Variants in ST6GAL2 observed in about 807,000 individuals in gnomAD.
The protein encoded by ST6GAL2 is ST6 beta-galactoside alpha-2,6-sialyltransferase 2, also known as beta-galactoside alpha-2,6-sialyltransferase 2.
Under a neutral mutation model 37.5 loss-of-function variants are expected in ST6GAL2, and 24 were observed. That is an observed-to-expected ratio of 0.64 (90% CI 0.46 to 0.90). The LOEUF is 0.90. Ranked by LOEUF, ST6GAL2 falls within the 40% of genes least tolerant of loss-of-function variation. The pLI is 0.00. For synonymous variants in ST6GAL2, 306 were observed against 295.1 expected, an observed-to-expected ratio of 1.04 and a Z score of -0.38; for missense variants, 715 against 712.7, an observed-to-expected ratio of 1.00 and a Z score of -0.04.
chr2:106,884,632 G>T (rs978741410), intron 1 of ST6GAL2, among the ~76,000 whole-genome samples: 1 of 152,086 alleles, frequency 6.6e-6, no homozygotes, highest in African/African-American at 2.4e-5. Context: ...ATCTATTGCG[G>T]CAAAAATTGG....
chr2:106,835,704 G>A (rs1368172680), intron 2 of ST6GAL2, among the ~76,000 whole-genome samples: 1 of 152,140 alleles, frequency 6.6e-6, no homozygotes, highest in Non-Finnish European at 1.5e-5. Flanking sequence ...GCAGAGTTGA[G>A]TTGTTGAGAC....
intron 1 of ST6GAL2, among the ~76,000 whole-genome samples, chr2:106,857,379 GA>G (rs1430754874): frequency 6.6e-6 from 1 of 152,136 alleles, no homozygotes. Flanking sequence ...AAGGTGGGAG[GA>G]TCATCTAAGG....
Position 106,834,040 on chromosome 2 carries a change from C to A in ST6GAL2, c.1041+9G>T, listed in dbSNP as rs767411310. On this transcript the variant is annotated intron_variant, in intron 3 of 5. Transcript: ENST00000409382. ...ACATACATCCATGAAAACACTCCAT[C>A]TGTCTTACCTGCGAATTAATGATGC... The A allele has an allele frequency of 3.1e-6, 5 of 1,598,992 alleles. No homozygotes were observed. The Admixed American group carries it at 8.3e-5, about 27-fold the overall frequency.
chr2:106,841,245 G>C (rs1289173978), intron 2 of ST6GAL2: 1 of 152,122 alleles, frequency 6.6e-6, no homozygotes. Flanking sequence ...ACCCTATTCC[G>C]AGAGAACTCT....
At chr2:106,869,238 A>T (rs1054681255) in intron 1 of ST6GAL2, among the ~76,000 whole-genome samples, 1 of 152,002 alleles carries the variant, frequency 6.6e-6, no homozygotes, top group Non-Finnish European at 1.5e-5. Context: ...TTTGGAGGGG[A>T]GGGGCACCTT....
At chr2:106,837,597 C>A (rs1459539264) in intron 2 of ST6GAL2, among the ~76,000 whole-genome samples, 1 of 152,154 alleles carries the variant, frequency 6.6e-6, no homozygotes, top group Non-Finnish European at 1.5e-5. Flanking sequence ...ACTGCAGGTG[C>A]TGGGAGGGAA....
rs76135504 is a variant in ST6GAL2, at chr2:106,880,424, G to A, written c.-58+5669C>T. 5.3e-3 allele frequency among the ~76,000 whole-genome samples: 814 copies of A among 152,282 alleles called. 10 individuals are homozygous for A. Among genetic ancestry groups the A allele is most frequent in the African/African-American group, 0.017 (719 of 41,560 alleles). ...TCATCAGCCTGGGGCCAGGTTCCCC[G>A]AAGGACCTGCCTGAGAAGACAATCT... On this transcript the variant is annotated intron_variant, in intron 1 of 5. Coordinates refer to ENST00000409382, the MANE Select transcript of ST6GAL2 (RefSeq NM_001142351.2).
chr2:106,824,632 AAAAC>A (rs1209402201), intron 5 of ST6GAL2, among the ~76,000 whole-genome samples: 9 of 152,328 alleles, frequency 5.9e-5, no homozygotes, highest in East Asian at 3.9e-4. Context: ...AGTCCGTCTC[AAAAC>A]AAACAAACAA....
intron 1 of ST6GAL2, among the ~76,000 whole-genome samples, chr2:106,860,831 T>C (rs1241371921): frequency 1.3e-5 from 2 of 152,210 alleles, no homozygotes; most frequent in African/African-American, 4.8e-5. Context: ...CTCAACCATA[T>C]ACAATGGATA....
In ST6GAL2 at chr2:106,828,587, A is replaced by C. The variant is rs1195047349; in HGVS notation, c.1318+1479T>G. On this transcript the variant is annotated intron_variant, in intron 5 of 5. Transcript: ENST00000409382. ...TTACAATACCAAAACCCACTCTAAA[A>C]TCTGCAAGCTTCAATTCAGGATACC... 2.0e-5 allele frequency among the ~76,000 whole-genome samples: 3 copies of C among 152,282 alleles called. No homozygotes were observed. In the East Asian group the frequency reaches 5.8e-4, roughly 29 times the overall value.
rs1448489220 is a variant in ST6GAL2, at chr2:106,832,463, T to C, written c.1143+102A>G. The C allele has an allele frequency of 1.1e-5, 7 of 662,290 alleles. No homozygotes were observed. In the East Asian group the frequency reaches 1.6e-4, roughly 15 times the overall value. The allele number at this position is 662,290 out of a possible 1,614,324, so 41.0% of individuals were successfully genotyped here. ...GCATTAAATTGATATTGATGGGTAC[T>C]TTCATTGTCTGTCAAAGCTTAATCC... On this transcript the variant is annotated intron_variant, in intron 4 of 5. Transcript: ENST00000409382.
chr2:106,856,734 T>A lies in ST6GAL2; in HGVS notation c.-57-12700A>T, dbSNP rs548613153. ...GGTGAAGCTAGGACAGGACCTGGTA[T>A]CTTTGAAGGCAGTCAAAATAAGGAC... On this transcript the variant is annotated intron_variant, in intron 1 of 5. Transcript: ENST00000409382. Among the ~76,000 whole-genome samples the A allele has an allele frequency of 1.4e-4, 22 of 152,322 alleles. No individual in the cohort carries two copies. In the East Asian group the frequency reaches 4.0e-3, roughly 28 times the overall value.
At chr2:106,841,793 AGGGAAACGTAT>A (rs1032710526) in intron 2 of ST6GAL2, among the ~76,000 whole-genome samples, 21 of 152,182 alleles carry the variant, frequency 1.4e-4, no homozygotes, top group African/African-American at 4.8e-4. Context: ...ACTCTGCAGG[AGGGAAACGTAT>A]TTGAACCCTG....
rs1573257977 is a variant in ST6GAL2, at chr2:106,843,245, C to G, written c.733G>C (p.Gly245Arg). Residue 245 changes from glycine (G) to arginine (R), a missense_variant, in exon 2 of 6, where the codon GGG becomes CGG. Gly to Arg is a moderately radical substitution (Grantham distance 125). Coordinates refer to ENST00000409382, the MANE Select transcript of ST6GAL2 (RefSeq NM_001142351.2). ...GVRFRGKREA[G>R]LSRAQLLCQL... is the part of the protein sequence containing the mutation. ...CACAGCAGCTGTGCCCTGCTCAGCC[C>G]GGCCTCCCGCTTCCCGCGGAAGCGC... The G allele has an allele frequency of 5.0e-6, 8 of 1,587,156 alleles. No individual in the cohort carries two copies. The East Asian group carries it at 1.8e-4, about 36-fold the overall frequency.
intron 2 of ST6GAL2, among the ~76,000 whole-genome samples, chr2:106,842,821 C>T (rs1676947528): frequency 6.6e-6 from 1 of 152,192 alleles, no homozygotes; most frequent in Admixed American, 6.5e-5. Context: ...CTCTAAGAGT[C>T]TCCCGAAGAG....
Position 106,879,711 on chromosome 2 carries a change from A to G in ST6GAL2, c.-58+6382T>C, listed in dbSNP as rs981047275. 2.7e-5 allele frequency among the ~76,000 whole-genome samples: 4 copies of G among 148,148 alleles called. No homozygotes were observed. The East Asian group carries it at 5.8e-4, about 22-fold the overall frequency. On this transcript the variant is annotated intron_variant, in intron 1 of 5. Coordinates refer to ENST00000409382, the MANE Select transcript of ST6GAL2 (RefSeq NM_001142351.2). ...CCAATTATATATTATTATATAGACC[A>G]ATTATATATTATTATATAGACCAAT...
In ST6GAL2 at chr2:106,843,681, CCAT is replaced by C. The variant is rs1558701818; in HGVS notation, c.294_296del (p.Trp99del). 3 of 1,613,306 alleles carry C rather than the reference CCAT, an allele frequency of 1.9e-6. No individual in the cohort carries two copies. The highest frequency in any genetic ancestry group is 1.7e-6 in the Non-Finnish European group (2 of 1,180,012). ...GTTCAAACCCATCTTGGGACTGGGC[CCAT>C]TTCTGCAGGTCTCCAGGCCCCGCAT... On this transcript the variant is annotated inframe_deletion, in exon 2 of 6. Coordinates refer to ENST00000409382, the MANE Select transcript of ST6GAL2 (RefSeq NM_001142351.2).
intron 4 of ST6GAL2, among the ~76,000 whole-genome samples, chr2:106,830,561 C>T (rs1050684430): frequency 8.5e-5 from 13 of 152,322 alleles, no homozygotes; most frequent in Admixed American, 7.2e-4. Context: ...TAGAGTCAGT[C>T]GTCTCTACTC....
chr2:106,877,163 G>T (rs2104640626), intron 1 of ST6GAL2, among the ~76,000 whole-genome samples: 1 of 152,310 alleles, frequency 6.6e-6, no homozygotes, highest in East Asian at 1.9e-4. Flanking sequence ...ACCACCTTCA[G>T]AAAGTTTAGG....
Sources: allele counts gnomAD v4.1 joint callset (sites outside exome capture counted in the v4.1 genomes callset), GRCh38; gene constraint gnomAD v4.1.1; transcripts MANE v1.5; gene names NCBI Gene and HGNC (gene_info 2026-07-23, HGNC 2026-07-21).